The following EPRS1 variants were observed in gnomAD, a reference collection of about 807,000 sequenced individuals.
The protein encoded by EPRS1 is glutamyl-prolyl-tRNA synthetase 1.
EPRS1 carries 107 observed loss-of-function variants against 188.3 expected under a neutral mutation model. The observed-to-expected ratio is 0.57, with a 90% CI of 0.49 to 0.67. EPRS1 has a LOEUF of 0.67. Ranked by LOEUF, EPRS1 falls within the 30% of genes least tolerant of loss-of-function variation. EPRS1 has a pLI of 0.00. For missense variants in EPRS1, 1,577 were observed against 1,802.2 expected (o/e 0.88, Z 2.26); for synonymous variants, 596 against 593.1 (o/e 1.00, Z -0.07).
chr1:220,026,344 A>AC (rs1228196858), intron 6 of EPRS1, among the ~76,000 whole-genome samples: 2 of 152,158 alleles, frequency 1.3e-5, no homozygotes, highest in Non-Finnish European at 2.9e-5. Context: ...TGATAATATC[A>AC]CACATCAACA....
rs750415809 is a variant in EPRS1 at position 220,020,150 on chromosome 1, G to A, written c.1187C>T (p.Thr396Ile). 6.2e-7 allele frequency: 1 copy of A among 1,613,918 alleles called. No individual in the cohort carries two copies. ...CTCATCTCTGTCATGGTATTCTGTT[G>A]TTCTCAGGGCATGTGTAACACCTTC... ...SIEGVTHALR[T>I]TEYHDRDEQF... is the part of the protein sequence containing the mutation. The change falls in exon 10 of 32, where the codon ACA (threonine) becomes ATA (isoleucine). Residue 396 changes from threonine (T) to isoleucine (I), a missense_variant. By Grantham distance (89) the Thr-to-Ile change is moderately conservative. Transcript: ENST00000366923.
chr1:219,988,846 A>AT (rs1418100987), intron 18 of EPRS1, 23 bp from the exon 19 acceptor site: 1 of 1,490,518 alleles, frequency 6.7e-7, no homozygotes, highest in South Asian at 1.2e-5. Context: ...AGAGAAAGAG[A>AT]TATTTATAAA....
chr1:219,992,579 T>A (rs1198954451), intron 18 of EPRS1, among the ~76,000 whole-genome samples: 1 of 152,194 alleles, frequency 6.6e-6, no homozygotes, highest in Non-Finnish European at 1.5e-5. Flanking sequence ...AACTGTAGCA[T>A]GAAAGCAGCC....
rs1233638131 is a variant in EPRS1, at chr1:219,983,195, G to A, written c.3294C>T (p.Ala1098=). ...EKEKTHVADF[A]PEVAWVTRSG... is the part of the protein sequence containing the mutation. ...AAAAAGCAAGCTCACTTACCTCTGG[G>A]GCAAAGTCAGCAACATGAGTCTTCT... Residue 1098 remains alanine (A), a synonymous_variant, in exon 22 of 32, where the codon GCC becomes GCT. Coordinates refer to ENST00000366923, the MANE Select transcript of EPRS1 (RefSeq NM_004446.3). 8 of 1,611,750 alleles carry A rather than the reference G, an allele frequency of 5.0e-6. No individual in the cohort carries two copies. The highest frequency in any genetic ancestry group is 6.8e-6 in the Non-Finnish European group (8 of 1,178,580).
At chr1:220,022,659 G>A (rs111594220) in intron 8 of EPRS1, 141 bp from the exon 9 acceptor site, 15 of 671,324 alleles carry the variant, frequency 2.2e-5, no homozygotes, top group Admixed American at 1.2e-4. Flanking sequence ...AATATTTCCA[G>A]TATCCAGTAC....
chr1:220,036,764 G>A (rs10863526), intron 2 of EPRS1, among the ~76,000 whole-genome samples: 34,898 of 151,902 alleles, frequency 0.23, 7,622 homozygotes, highest in African/African-American at 0.56. Context: ...AATATGTACA[G>A]CAAACCCCAT....
At chr1:219,982,542 A>G in intron 23 of EPRS1, 1 of 353,676 alleles carries the variant, frequency 2.8e-6, no homozygotes, top group Non-Finnish European at 5.0e-6. Context: ...CATAAAAATG[A>G]GTATTTAAAT....
chr1:220,005,528 A>G (rs892427099), intron 15 of EPRS1, among the ~76,000 whole-genome samples, 168 bp from the exon 16 acceptor site: 1 of 152,242 alleles, frequency 6.6e-6, no homozygotes, highest in African/African-American at 2.4e-5. Flanking sequence ...TTAAATGACA[A>G]TTCAATTTAT....
At position 220,001,177 on chromosome 1, in the gene EPRS1, C is replaced by T. The variant is rs905750132; in HGVS notation, c.2142G>A (p.Gly714=). 19 of 1,613,738 alleles carry T rather than the reference C, an allele frequency of 1.2e-5. No individual in the cohort carries two copies. The highest frequency in any genetic ancestry group is 2.7e-5 in the African/African-American group (2 of 74,890). ...DGHTKEMPTS[G]SKEKTKVEAT... Reference sequence around the variant, plus strand: ...CTTCTACTTTGGTCTTTTCCTTTGACCCTGATGTTGGCATTTCCTTTGTGT... The same window carrying T: ...CTTCTACTTTGGTCTTTTCCTTTGATCCTGATGTTGGCATTTCCTTTGTGT... The change falls in exon 17 of 32, where the codon GGG becomes GGA. Residue 714 remains glycine, a synonymous_variant. Transcript: ENST00000366923.
At chr1:219,994,811 C>A (rs1427742436) in intron 18 of EPRS1, among the ~76,000 whole-genome samples, 2 of 151,984 alleles carry the variant, frequency 1.3e-5, no homozygotes, top group African/African-American at 4.8e-5. Flanking sequence ...CGCCACCACA[C>A]CCAGCTAATT....
At chr1:219,979,951 T>G (rs1660861132) in intron 26 of EPRS1, 134 bp downstream of exon 26, 1 of 804,784 alleles carries the variant, frequency 1.2e-6, no homozygotes, top group African/African-American at 1.7e-5. Flanking sequence ...TAGATTTGTT[T>G]GAAATTATTA....
At chr1:219,992,414 T>C (rs1383478417) in intron 18 of EPRS1, among the ~76,000 whole-genome samples, 2 of 152,236 alleles carry the variant, frequency 1.3e-5, no homozygotes, top group Non-Finnish European at 2.9e-5. Context: ...TTAATAATCA[T>C]TTTATTTTGT....
At chr1:219,987,979 T>G (rs1661037404) in intron 19 of EPRS1, among the ~76,000 whole-genome samples, 1 of 152,186 alleles carries the variant, frequency 6.6e-6, no homozygotes. Flanking sequence ...GTATCTAACA[T>G]GTATTCCATA....
intron 18 of EPRS1, among the ~76,000 whole-genome samples, chr1:219,989,948 A>AG (rs985158914): frequency 6.6e-6 from 1 of 152,106 alleles, no homozygotes. Context: ...ATGAGAATCA[A>AG]GGGGGGAAAA....
chr1:219,978,631 C>A lies in EPRS1; in HGVS notation c.3998G>T (p.Arg1333Leu), dbSNP rs768431267. ...AACGCGGATGTTAACACTGAGTAAT[C>A]GCCTTCGATAATCATTGCATTTTGC... The part of the protein sequence containing the change: ...LIAKCNDYRR[R>L]LLSVNIRVRA... The change falls in exon 28 of 32, where the codon CGA becomes CTA. Residue 1333 changes from arginine (R) to leucine (L), a missense_variant. By Grantham distance (102) the Arg-to-Leu change is moderately radical (BLOSUM62 -2). Coordinates refer to ENST00000366923, the MANE Select transcript of EPRS1 (RefSeq NM_004446.3). The A allele has an allele frequency of 2.5e-6, 4 of 1,612,138 alleles. No individual in the cohort carries two copies. The highest frequency in any genetic ancestry group is 3.4e-6 in the Non-Finnish European group (4 of 1,178,852).
rs760744541 is a variant in EPRS1 at position 220,034,901 on chromosome 1, G to C, written c.231+13C>G. 1 of 1,433,776 alleles carries C rather than the reference G, an allele frequency of 7.0e-7. No homozygotes were observed. Among genetic ancestry groups the C allele is most frequent in the African/African-American group, 1.4e-5 (1 of 71,456 alleles). 88.8% of individuals were successfully genotyped at this position (1,433,776 alleles called of 1,614,324 possible). ...TAAGACAAAACACACACAACAAAAT[G>C]TTCATTGCTTACCTCAGTATGTTCC... On this transcript the variant is annotated intron_variant, in intron 3 of 31. Transcript: ENST00000366923.
chr1:219,982,701 T>G, intron 23 of EPRS1, 71 bp downstream of exon 23: 6 of 1,220,480 alleles, frequency 4.9e-6, no homozygotes, highest in Non-Finnish European at 6.0e-6. Context: ...AAGCAAAAGC[T>G]GAGACTCAAC....
intron 16 of EPRS1, among the ~76,000 whole-genome samples, chr1:220,004,230 C>T (rs1661415996): frequency 6.6e-6 from 1 of 152,102 alleles, no homozygotes; most frequent in African/African-American, 2.4e-5. Context: ...GATGGGGTCT[C>T]ACTATGTTGC....
At chr1:220,038,375 C>T (rs1662227928) in intron 2 of EPRS1, among the ~76,000 whole-genome samples, 1 of 144,378 alleles carries the variant, frequency 6.9e-6, no homozygotes, top group Non-Finnish European at 1.5e-5. Flanking sequence ...AGCCACCACA[C>T]CCAGCTCAGT....
Sources: gnomAD v4.1 joint callset for allele counts (sites outside exome capture counted in the v4.1 genomes callset) on GRCh38, gnomAD v4.1.1 for gene constraint, MANE v1.5 for transcripts, NCBI Gene and HGNC (gene_info 2026-07-23, HGNC 2026-07-21) for gene names.